Variants in NXPE2 observed in about 807,000 individuals in gnomAD.
NXPE2 encodes the protein neurexophilin and PC-esterase domain family member 2.
In NXPE2, 34 loss-of-function variants were observed where a neutral mutation model predicts 34.4. The ratio of observed to expected loss-of-function variants is 0.99; its 90% CI spans 0.75 to 1.31. The LOEUF (loss-of-function observed/expected upper bound fraction) is 1.31, where lower values mean the gene tolerates loss of function less well. Ranked by LOEUF, NXPE2 falls within the 40% of genes most tolerant of loss-of-function variation. The probability of loss-of-function intolerance (pLI) is 0.00; values close to 1 mark genes in which losing one functional copy is unlikely to be tolerated. For synonymous variants in NXPE2, 235 were observed against 231.3 expected, an observed-to-expected ratio of 1.02 and a Z score of -0.15; for missense variants, 649 against 672.5, an observed-to-expected ratio of 0.97 and a Z score of 0.39.
the NXPE2 span, among the ~76,000 whole-genome samples, chr11:114,664,297 A>G: frequency 2.6e-5 from 4 of 152,174 alleles, no homozygotes; most frequent in Non-Finnish European, 5.9e-5. Flanking sequence ...CAAAACCATC[A>G]TGGCAGAAAA....
chr11:114,742,551 C>G, the NXPE2 span, among the ~76,000 whole-genome samples: 1 of 151,880 alleles, frequency 6.6e-6, no homozygotes, highest in African/African-American at 2.4e-5. Context: ...CTGAACTATG[C>G]TTCCTTGGAG....
At chr11:114,533,215 A>G in the NXPE2 span, among the ~76,000 whole-genome samples, 5 of 152,166 alleles carry the variant, frequency 3.3e-5, no homozygotes, top group Non-Finnish European at 5.9e-5. Context: ...GAGTTAGCAA[A>G]TTATTAGTAT....
the NXPE2 span, chr11:114,571,560 T>C: frequency 8.6e-7 from 1 of 1,168,068 alleles, no homozygotes; most frequent in Non-Finnish European, 1.2e-6. Flanking sequence ...ATTTGATTGG[T>C]ATAATTAAAT....
chr11:114,625,501 C>T, the NXPE2 span, among the ~76,000 whole-genome samples: 2 of 152,122 alleles, frequency 1.3e-5, no homozygotes, highest in African/African-American at 4.8e-5. Context: ...TCGTGGGTAA[C>T]CACTGTTACC....
chr11:114,795,891 C>T, the NXPE2 span, among the ~76,000 whole-genome samples: 10 of 152,282 alleles, frequency 6.6e-5, no homozygotes, highest in Admixed American at 2.6e-4. Context: ...ATAGGTTCAC[C>T]GTGGGTAGAG....
chr11:114,785,600 A>G, the NXPE2 span, among the ~76,000 whole-genome samples: 5 of 152,102 alleles, frequency 3.3e-5, no homozygotes, highest in Non-Finnish European at 7.3e-5. Context: ...GTCTCTATGA[A>G]GGCCAAAAAG....
At chr11:114,548,310 C>T in the NXPE2 span, among the ~76,000 whole-genome samples, 1 of 151,978 alleles carries the variant, frequency 6.6e-6, no homozygotes, top group Non-Finnish European at 1.5e-5. Context: ...AACTAATAAC[C>T]ATAAAGACAG....
the NXPE2 span, among the ~76,000 whole-genome samples, chr11:114,603,922 T>C: frequency 6.6e-6 from 1 of 151,364 alleles, no homozygotes; most frequent in African/African-American, 2.4e-5. Context: ...TAACTGCTAA[T>C]ACCTGGTGGA....
At chr11:114,469,712 C>T in the NXPE2 span, among the ~76,000 whole-genome samples, 2 of 151,914 alleles carry the variant, frequency 1.3e-5, no homozygotes, top group Admixed American at 6.6e-5. Context: ...AGGCTGGTCT[C>T]GAACTCCTGA....
chr11:114,633,019 A>T, the NXPE2 span, among the ~76,000 whole-genome samples: 941 of 109,422 alleles, frequency 8.6e-3, 17 homozygotes, highest in African/African-American at 0.033. Context: ...ATTATATAAT[A>T]TATAATGTAA....
chr11:114,696,788 G>A (rs546551388), intron 2 of NXPE2, among the ~76,000 whole-genome samples: 1 of 152,262 alleles, frequency 6.6e-6, no homozygotes, highest in Admixed American at 6.5e-5. Flanking sequence ...GTGTCTACCT[G>A]AAACCCCTGA....
At chr11:114,522,006 C>T in the NXPE2 span, 5 of 1,613,110 alleles carry the variant, frequency 3.1e-6, no homozygotes, top group Non-Finnish European at 4.2e-6. Flanking sequence ...ATCTGATTTC[C>T]AATCACATGA....
the NXPE2 span, among the ~76,000 whole-genome samples, chr11:114,468,174 A>C: frequency 2.0e-5 from 3 of 152,000 alleles, no homozygotes; most frequent in African/African-American, 7.2e-5. Context: ...ATTATATTTT[A>C]AGAAAGTTTA....
the NXPE2 span, among the ~76,000 whole-genome samples, chr11:114,642,413 T>C: frequency 6.6e-6 from 1 of 151,924 alleles, no homozygotes; most frequent in African/African-American, 2.4e-5. Flanking sequence ...CCTAATGCTA[T>C]CCCTCCCCAC....
chr11:114,794,569 G>A, the NXPE2 span, among the ~76,000 whole-genome samples: 1 of 152,106 alleles, frequency 6.6e-6, no homozygotes, highest in Non-Finnish European at 1.5e-5. Context: ...GGAGAACCAG[G>A]CTTGAAAAAT....
the NXPE2 span, among the ~76,000 whole-genome samples, chr11:114,751,789 G>A: frequency 3.3e-5 from 5 of 152,288 alleles, no homozygotes; most frequent in African/African-American, 9.6e-5. Context: ...GAGGTGGGGA[G>A]ATCATCCTAA....
chr11:114,514,892 G>A, the NXPE2 span, among the ~76,000 whole-genome samples: 1 of 151,858 alleles, frequency 6.6e-6, no homozygotes, highest in Non-Finnish European at 1.5e-5. Context: ...TTAAAAGCAA[G>A]TTTTAATAAA....
At chr11:114,572,923 A>C in the NXPE2 span, among the ~76,000 whole-genome samples, 1 of 152,198 alleles carries the variant, frequency 6.6e-6, no homozygotes, top group East Asian at 1.9e-4. Flanking sequence ...AGATTATCTA[A>C]AGTCAAGATG....
chr11:114,773,975 G>A, the NXPE2 span, among the ~76,000 whole-genome samples: 1 of 152,206 alleles, frequency 6.6e-6, no homozygotes, highest in Non-Finnish European at 1.5e-5. Context: ...CCATAATCAT[G>A]AGAGCTAATT....
Sources: allele counts gnomAD v4.1 joint callset (sites outside exome capture counted in the v4.1 genomes callset), GRCh38; gene constraint gnomAD v4.1.1; transcripts MANE v1.5; gene names NCBI Gene and HGNC (gene_info 2026-07-23, HGNC 2026-07-21).